Variants in SFT2D2 observed in about 807,000 individuals in gnomAD.
The protein encoded by SFT2D2 is vesicle transport protein SFT2B.
In SFT2D2, 21 loss-of-function variants were observed where a neutral mutation model predicts 27.4. That is an observed-to-expected ratio of 0.77 (90% CI 0.54 to 1.10). The LOEUF is 1.10. Among genes scored for constraint, SFT2D2 ranks in the 50% least tolerant of loss-of-function variants. SFT2D2 has a pLI of 0.00. For synonymous variants in SFT2D2, 72 were observed against 71.7 expected, an observed-to-expected ratio of 1.00 and a Z score of -0.02; for missense variants, 187 against 194.2, an observed-to-expected ratio of 0.96 and a Z score of 0.22.
chr1:168,236,903 A>T, intron 6 of SFT2D2, 133 bp downstream of exon 6: 2 of 1,126,178 alleles, frequency 1.8e-6, no homozygotes, highest in South Asian at 1.4e-5. Flanking sequence ...ATTCGTAATG[A>T]TGAAAGTGAA....
intron 7 of SFT2D2, among the ~76,000 whole-genome samples, chr1:168,242,113 A>G (rs1385158412): frequency 1.3e-5 from 2 of 152,208 alleles, no homozygotes; most frequent in African/African-American, 4.8e-5. Context: ...TAGAATGAAG[A>G]AAGGTCCCAG....
chr1:168,239,099 C>G (rs373049032), intron 6 of SFT2D2, 32 bp from the exon 7 acceptor site: 1 of 1,567,954 alleles, frequency 6.4e-7, no homozygotes, highest in East Asian at 2.2e-5. Flanking sequence ...CCCTTCATCT[C>G]ATTTGACCCT....
Position 168,246,143 on chromosome 1 carries a change from C to A in SFT2D2, c.*3603C>A. 1 of 242,000 alleles carries A rather than the reference C, an allele frequency of 4.1e-6. No homozygotes were observed. The highest frequency in any genetic ancestry group is 8.2e-6 in the Non-Finnish European group (1 of 121,420). The allele number at this position is 242,000 out of a possible 1,614,324, so 15.0% of individuals were successfully genotyped here. On this transcript the variant is annotated 3_prime_UTR_variant, in exon 8 of 8. Transcript: ENST00000271375. ...TTCTGCTTTCTCTCTTTCATATTGA[C>A]ATTGTTTTTCTTTCAAATGATTAAC... is the stretch of plus-strand genomic sequence containing the variant.
In SFT2D2 at chr1:168,246,512, CA is replaced by C. The variant is rs1647815348; in HGVS notation, c.*3973del. 1 of 1,475,336 alleles carries C rather than the reference CA, an allele frequency of 6.8e-7. No homozygotes were observed. Among genetic ancestry groups the C allele is most frequent in the Admixed American group, 1.9e-5 (1 of 54,034 alleles). 91.4% of individuals were successfully genotyped at this position (1,475,336 alleles called of 1,614,324 possible). Reference sequence around the variant, plus strand: ...AGAGCCTCTCTTGTGTTATGGAGCTCAGTTTTGAGGCACCTGGACTTACTCT... The same window carrying C: ...AGAGCCTCTCTTGTGTTATGGAGCTCGTTTTGAGGCACCTGGACTTACTCT... On this transcript the variant is annotated 3_prime_UTR_variant, in exon 8 of 8. Coordinates refer to ENST00000271375, the MANE Select transcript of SFT2D2 (RefSeq NM_199344.3).
intron 7 of SFT2D2, among the ~76,000 whole-genome samples, chr1:168,240,043 C>T (rs1647606506): frequency 6.6e-6 from 1 of 151,796 alleles, no homozygotes; most frequent in Non-Finnish European, 1.5e-5. Flanking sequence ...GGCGTGGTGG[C>T]AGGCGCCTGT....
At chr1:168,227,648 G>C (rs1383935919) in intron 1 of SFT2D2, among the ~76,000 whole-genome samples, 5 of 151,826 alleles carry the variant, frequency 3.3e-5, no homozygotes, top group Non-Finnish European at 7.4e-5. Context: ...TTGATTTCTA[G>C]CCTCTATTAT....
intron 1 of SFT2D2, 58 bp from the exon 2 acceptor site, chr1:168,231,456 G>GA (rs1647289918): frequency 7.1e-7 from 1 of 1,409,062 alleles, no homozygotes; most frequent in African/African-American, 1.4e-5. Flanking sequence ...TTAGTTATGT[G>GA]CTTGCTTTGT....
intron 6 of SFT2D2, among the ~76,000 whole-genome samples, chr1:168,237,947 AT>A: frequency 6.6e-6 from 1 of 151,664 alleles, no homozygotes; most frequent in Non-Finnish European, 1.5e-5. Context: ...ATTGGTACCT[AT>A]ATACACACAC....
chr1:168,252,773 G>T lies in SFT2D2; in HGVS notation c.*10233G>T, dbSNP rs1647977313. ...GTTGTTAAAACATGAATCCATTTTTGTAATTGTATAAATACTCATAACTAA... is the reference window on the plus strand; with the variant it reads ...GTTGTTAAAACATGAATCCATTTTTTTAATTGTATAAATACTCATAACTAA... On this transcript the variant is annotated 3_prime_UTR_variant, in exon 8 of 8. Transcript: ENST00000271375. 2 of 152,124 alleles carry T rather than the reference G, an allele frequency of 1.3e-5. No homozygotes were observed. Among genetic ancestry groups the T allele is most frequent in the Non-Finnish European group, 2.9e-5 (2 of 68,028 alleles). 9.4% of individuals were successfully genotyped at this position (152,124 alleles called of 1,614,324 possible). A position where few individuals can be genotyped will look rare whatever the true frequency, so the allele number is the denominator to read the frequency against.
chr1:168,231,583 A>G lies in SFT2D2; in HGVS notation c.133A>G (p.Ile45Val). 1 of 1,613,960 alleles carries G rather than the reference A, an allele frequency of 6.2e-7. No homozygotes were observed. Among genetic ancestry groups the G allele is most frequent in the Admixed American group, 1.7e-5 (1 of 60,010 alleles). The change falls in exon 2 of 8, where the codon ATT becomes GTT. Residue 45 changes from isoleucine (I) to valine (V), a missense_variant. By Grantham distance (29) the Ile-to-Val change is conservative (BLOSUM62 3). Coordinates refer to ENST00000271375, the MANE Select transcript of SFT2D2 (RefSeq NM_199344.3). ...KGFIACFAIG[I>V]LCSLLGTVLL... ...CTTCATTGCGTGTTTTGCTATAGGA[A>G]TTCTCTGCTCACTGCTGGTAAGATT...
intron 6 of SFT2D2, among the ~76,000 whole-genome samples, chr1:168,238,898 T>C (rs1647576119): frequency 1.3e-5 from 2 of 152,204 alleles, no homozygotes; most frequent in South Asian, 2.1e-4. Flanking sequence ...ACATGAACCT[T>C]TTGCCCTTCT....
chr1:168,226,169 C>T, intron 1 of SFT2D2, 27 bp downstream of exon 1: 1 of 1,524,282 alleles, frequency 6.6e-7, no homozygotes, highest in Non-Finnish European at 8.8e-7. Flanking sequence ...CCGTCGGCCC[C>T]CTCTCGCCGC....
At chr1:168,235,788 T>C (rs1234151539) in intron 4 of SFT2D2, among the ~76,000 whole-genome samples, 2 of 152,238 alleles carry the variant, frequency 1.3e-5, no homozygotes, top group Non-Finnish European at 2.9e-5. Flanking sequence ...GTCAAAATCA[T>C]TCCAGACCTA....
Position 168,242,373 on chromosome 1 carries a change from G to C in SFT2D2, c.444-128G>C. On this transcript the variant is annotated intron_variant, in intron 7 of 7. Coordinates refer to ENST00000271375, the MANE Select transcript of SFT2D2 (RefSeq NM_199344.3). ...CTAATAAATGTTGAAGCTGCAGTTT[G>C]ATGCTGTGAAGGTCTGATCTTTCAG... 5 of 952,508 alleles carry C rather than the reference G, an allele frequency of 5.2e-6. No homozygotes were observed. In the South Asian group the frequency reaches 5.3e-5, roughly 10 times the overall value. The allele number at this position is 952,508 out of a possible 1,614,324, so 59.0% of individuals were successfully genotyped here. A position where few individuals can be genotyped will look rare whatever the true frequency, so the allele number is the denominator to read the frequency against.
intron 1 of SFT2D2, among the ~76,000 whole-genome samples, chr1:168,230,818 A>G (rs1453868819): frequency 6.6e-6 from 1 of 152,114 alleles, no homozygotes. Flanking sequence ...GGAGCTACTC[A>G]CAGGCTCTCC....
At chr1:168,227,345 T>C (rs1262811653) in intron 1 of SFT2D2, among the ~76,000 whole-genome samples, 1 of 152,232 alleles carries the variant, frequency 6.6e-6, no homozygotes, top group African/African-American at 2.4e-5. Flanking sequence ...TAATCAGTGT[T>C]TCTTCTGGTT....
chr1:168,237,609 A>G (rs895755052), intron 6 of SFT2D2, among the ~76,000 whole-genome samples: 2 of 152,214 alleles, frequency 1.3e-5, no homozygotes, highest in South Asian at 2.1e-4. Context: ...CTACAGTGTA[A>G]AGAAAGGAGG....
intron 7 of SFT2D2, among the ~76,000 whole-genome samples, chr1:168,241,580 T>C (rs1294406274): frequency 6.6e-6 from 1 of 152,150 alleles, no homozygotes; most frequent in Non-Finnish European, 1.5e-5. Flanking sequence ...AAGAGTTCTA[T>C]GATCAAGTAA....
rs1647767226 is a variant in SFT2D2 at position 168,244,913 on chromosome 1, G to C, written c.*2373G>C. 6.6e-6 allele frequency: 1 copy of C among 152,056 alleles called. No homozygotes were observed. Among genetic ancestry groups the C allele is most frequent in the Non-Finnish European group, 1.5e-5 (1 of 68,010 alleles). The allele number at this position is 152,056 out of a possible 1,614,324, so 9.4% of individuals were successfully genotyped here. On this transcript the variant is annotated 3_prime_UTR_variant, in exon 8 of 8. Coordinates refer to ENST00000271375, the MANE Select transcript of SFT2D2 (RefSeq NM_199344.3). The stretch of plus-strand genomic sequence containing the variant: ...TTTAAAAAATAATCTCAGCAAACTA[G>C]GGATACAAGAGAATTTCCTCAACCT...
Sources: allele counts gnomAD v4.1 joint callset (sites outside exome capture counted in the v4.1 genomes callset), GRCh38; gene constraint gnomAD v4.1.1; transcripts MANE v1.5; gene names NCBI Gene and HGNC (gene_info 2026-07-23, HGNC 2026-07-21).